ZBTB40: variants seen among roughly 807,000 people sequenced by gnomAD.
The protein encoded by ZBTB40 is zinc finger and BTB domain containing 40, also known as zinc finger and BTB domain-containing protein 40.
A neutral mutation model predicts 117.5 loss-of-function variants in ZBTB40; 60 were observed. The ratio of observed to expected loss-of-function variants is 0.51; its 90% confidence interval spans 0.41 to 0.63. ZBTB40 has a LOEUF of 0.63. Among genes scored for constraint, ZBTB40 ranks in the 30% least tolerant of loss-of-function variants. ZBTB40 has a pLI of 0.00. For missense variants in ZBTB40, 1,287 were observed against 1,498.5 expected, an observed-to-expected ratio of 0.86 and a Z score of 2.33; for synonymous variants, 525 against 577.1, an observed-to-expected ratio of 0.91 and a Z score of 1.29.
intron 6 of ZBTB40, among the ~76,000 whole-genome samples, 189 bp from the exon 7 acceptor site, chr1:22,507,812 G>A (rs1193317348): frequency 2.0e-5 from 3 of 152,194 alleles, no homozygotes; most frequent in African/African-American, 7.2e-5. Flanking sequence ...TGACCCTGAA[G>A]CGCCAAGCGA....
rs563859139 is a variant in ZBTB40, at chr1:22,509,385, C to T, written c.1833+152C>T. On this transcript the variant is annotated intron_variant, in intron 9 of 17. Transcript: ENST00000375647. ...CTTTTGAGACAGAGTCTTGCTCTGT[C>T]GCCCAGGCTGCAGTGCAGTGGCACG... The T allele has an allele frequency of 4.0e-4, 475 of 1,197,574 alleles. 2 individuals are homozygous for T. The African/African-American group carries it at 6.2e-3, about 16-fold the overall frequency. The allele number at this position is 1,197,574 out of a possible 1,614,324, so 74.2% of individuals were successfully genotyped here.
intron 1 of ZBTB40, among the ~76,000 whole-genome samples, chr1:22,479,970 C>T (rs535373281): frequency 7.9e-5 from 12 of 152,148 alleles, no homozygotes; most frequent in African/African-American, 2.4e-4. Flanking sequence ...GCAGTAACAC[C>T]GTGTCAGCTC....
At chr1:22,491,674 C>A in intron 3 of ZBTB40, 141 bp downstream of exon 3, 1 of 855,608 alleles carries the variant, frequency 1.2e-6, no homozygotes, top group South Asian at 1.6e-5. Context: ...ACATTTATTC[C>A]CTAAAGGGCA....
At chr1:22,431,763 T>G (rs1445563110) in intron 1 of ZBTB40, among the ~76,000 whole-genome samples, 1 of 151,936 alleles carries the variant, frequency 6.6e-6, no homozygotes, top group African/African-American at 2.4e-5. Context: ...TGCTGATAAA[T>G]GTGGCCCTTT....
upstream of ZBTB40, among the ~76,000 whole-genome samples, chr1:22,446,976 A>T (rs1204660120): frequency 6.6e-6 from 1 of 151,906 alleles, no homozygotes; most frequent in Non-Finnish European, 1.5e-5. Context: ...GGTGGCATGC[A>T]CCTGTAGTCC....
Position 22,490,188 on chromosome 1 carries a change from G to A in ZBTB40, c.240G>A (p.Thr80=), listed in dbSNP as rs138737436. 17 of 1,614,018 alleles carry A rather than the reference G, an allele frequency of 1.1e-5. No homozygotes were observed. The African/African-American group carries it at 1.2e-4, about 11-fold the overall frequency. ...EFALLLEMMY[T]GKLPVGKHNF... Reference sequence around the variant, plus strand: ...CGCTCTTGTTGGAAATGATGTACACGGGCAAACTACCTGTGGGCAAGCACA... The same window carrying A: ...CGCTCTTGTTGGAAATGATGTACACAGGCAAACTACCTGTGGGCAAGCACA... The change falls in exon 2 of 18, where the codon ACG becomes ACA. Residue 80 remains threonine (T), a synonymous_variant. Transcript: ENST00000375647.
At chr1:22,511,453 C>G in intron 10 of ZBTB40, 106 bp downstream of exon 10, 1 of 1,461,150 alleles carries the variant, frequency 6.8e-7, no homozygotes, top group Non-Finnish European at 9.3e-7. Flanking sequence ...CCTTAAGTTA[C>G]GTATTCATTT....
At chr1:22,500,324 G>A (rs903528784) in intron 3 of ZBTB40, among the ~76,000 whole-genome samples, 2 of 152,152 alleles carry the variant, frequency 1.3e-5, no homozygotes, top group African/African-American at 4.8e-5. Context: ...GAGACCTCTG[G>A]AGGACAAGGT....
chr1:22,440,081 A>G lies in ZBTB40; in HGVS notation c.-70+11067A>G, dbSNP rs987999735. 2.0e-5 allele frequency among the ~76,000 whole-genome samples: 3 copies of G among 152,134 alleles called. No individual in the cohort carries two copies. In the South Asian group the frequency reaches 6.2e-4, roughly 31 times the overall value. On this transcript the variant is annotated intron_variant, in intron 1 of 8. Transcript: ENST00000650433. ...AAATTATTTTATTCTCTTTGACACT[A>G]TTGTAAATGGAACTGTTTTTGTAAT...
intron 12 of ZBTB40, among the ~76,000 whole-genome samples, chr1:22,514,846 A>G (rs1484463086): frequency 6.6e-6 from 1 of 152,218 alleles, no homozygotes; most frequent in East Asian, 1.9e-4. Flanking sequence ...GTACTTGGCA[A>G]TAGTAGGCCT....
chr1:22,434,754 A>G (rs1640648451), intron 1 of ZBTB40, among the ~76,000 whole-genome samples: 2 of 151,970 alleles, frequency 1.3e-5, no homozygotes, highest in Admixed American at 1.3e-4. Flanking sequence ...TTTTTGTTCT[A>G]TTGGTTTGTC....
chr1:22,510,694 C>T (rs1360783600), intron 9 of ZBTB40, among the ~76,000 whole-genome samples: 2 of 152,094 alleles, frequency 1.3e-5, no homozygotes, highest in Middle Eastern at 3.2e-3. Context: ...AAGAAAATGA[C>T]GTTTAAATGG....
intron 15 of ZBTB40, 55 bp downstream of exon 15, chr1:22,521,713 C>A: frequency 6.2e-7 from 1 of 1,609,608 alleles, no homozygotes; most frequent in East Asian, 2.2e-5. Flanking sequence ...GTGTAGCCTC[C>A]TGGGCCCCAC....
At chr1:22,443,628 T>G (rs534953147) in intron 1 of ZBTB40, among the ~76,000 whole-genome samples, 1 of 152,346 alleles carries the variant, frequency 6.6e-6, no homozygotes, top group East Asian at 1.9e-4. Context: ...TGTCAGACTC[T>G]TACTTAAATC....
At position 22,501,643 on chromosome 1, in the gene ZBTB40, T is replaced by C. The variant is rs1301335830; in HGVS notation, c.983T>C (p.Leu328Ser). The stretch of plus-strand genomic sequence containing the variant: ...AATCCTGCAGTAAAAACAGCACTAT[T>C]AGACAGGAAGCCAGAAGATGTAGAC... The part of the protein sequence containing the change: ...YSNPAVKTAL[L>S]DRKPEDVDTV... The change falls in exon 4 of 18, where the codon TTA (leucine) becomes TCA (serine). Residue 328 changes from leucine (L) to serine (S), a missense_variant. This residue lies in a region of ZBTB40 where 870 missense variants were observed against 934.4 expected (regional missense o/e 0.93). Coordinates refer to ENST00000375647, the MANE Select transcript of ZBTB40 (RefSeq NM_014870.4). 4 of 1,614,090 alleles carry C rather than the reference T, an allele frequency of 2.5e-6. No homozygotes were observed. The highest frequency in any genetic ancestry group is 1.7e-5 in the Admixed American group (1 of 60,020).
chr1:22,518,998 T>C (rs567214450), intron 13 of ZBTB40, among the ~76,000 whole-genome samples: 1 of 152,262 alleles, frequency 6.6e-6, no homozygotes, highest in South Asian at 2.1e-4. Flanking sequence ...CAGGCCCCCC[T>C]CTCTCTCCCA....
chr1:22,508,800 G>A (rs1639148254), intron 8 of ZBTB40, 69 bp downstream of exon 8: 2 of 1,508,190 alleles, frequency 1.3e-6, no homozygotes, highest in African/African-American at 1.4e-5. Flanking sequence ...CTAGAAAATA[G>A]GAAGAGCTCT....
chr1:22,459,737 T>G (rs1055603044), intron 1 of ZBTB40, among the ~76,000 whole-genome samples: 3 of 151,466 alleles, frequency 2.0e-5, no homozygotes, highest in Non-Finnish European at 4.4e-5. Flanking sequence ...CAAGAGGAGA[T>G]GACTTGATGG....
intron 1 of ZBTB40, among the ~76,000 whole-genome samples, chr1:22,454,005 A>C (rs1332765352): frequency 6.6e-6 from 1 of 152,138 alleles, no homozygotes; most frequent in Admixed American, 6.5e-5. Context: ...GCTGGAGTGC[A>C]GTGGCACAAT....
Sources: allele counts gnomAD v4.1 joint callset (sites outside exome capture counted in the v4.1 genomes callset), GRCh38; gene constraint gnomAD v4.1.1; regional missense constraint gnomAD v4.1.1; transcripts MANE v1.5; gene names NCBI Gene and HGNC (gene_info 2026-07-23, HGNC 2026-07-21).